The following FOXN3 variants were observed in gnomAD, a reference collection of about 807,000 sequenced individuals.
FOXN3 encodes the protein forkhead box N3.
A neutral mutation model predicts 38.4 loss-of-function variants in FOXN3; 7 were observed. The observed-to-expected ratio is 0.18, with a 90% CI of 0.10 to 0.34. The LOEUF is 0.34. Among genes scored for constraint, FOXN3 ranks in the 10% least tolerant of loss-of-function variants. The pLI is 1.00. For synonymous variants in FOXN3, 230 were observed against 242.2 expected (o/e 0.95, Z 0.47); for missense variants, 456 against 613.4 (o/e 0.74, Z 2.71).
At chr14:89,538,892 G>A (rs1178245726) in intron 1 of FOXN3, among the ~76,000 whole-genome samples, 1 of 151,826 alleles carries the variant, frequency 6.6e-6, no homozygotes, top group African/African-American at 2.4e-5. Context: ...CGCCCCGGCT[G>A]GAGTGCAGTG....
chr14:89,293,372 TTCC>T (rs973337863), intron 3 of FOXN3, among the ~76,000 whole-genome samples: 2 of 152,166 alleles, frequency 1.3e-5, no homozygotes, highest in African/African-American at 4.8e-5. Flanking sequence ...GCAACAGAAA[TTCC>T]TCCTCTCACA....
chr14:89,197,565 C>T (rs1013709392), intron 4 of FOXN3, among the ~76,000 whole-genome samples: 3 of 152,064 alleles, frequency 2.0e-5, no homozygotes, highest in Admixed American at 6.6e-5. Flanking sequence ...TCCCTAGCAC[C>T]TAGAACAGTG....
rs959173724 is a variant in FOXN3 at position 89,158,159 on chromosome 14, C to G, written c.*4255G>C. Reference sequence around the variant, plus strand: ...TCCAGGAGAGGCCCAAGGCGCCCCCCACAGAGTGGAATGAGTGGAACTTGC... The same window carrying G: ...TCCAGGAGAGGCCCAAGGCGCCCCCGACAGAGTGGAATGAGTGGAACTTGC... On this transcript the variant is annotated 3_prime_UTR_variant, in exon 6 of 6. Coordinates refer to ENST00000557258, the MANE Select transcript of FOXN3 (RefSeq NM_005197.4). The G allele has an allele frequency of 5.3e-5, 8 of 152,298 alleles. No homozygotes were observed. Among genetic ancestry groups the G allele is most frequent in the Non-Finnish European group, 8.8e-5 (6 of 68,108 alleles). 9.4% of individuals were successfully genotyped at this position (152,298 alleles called of 1,614,324 possible). A position where few individuals can be genotyped will look rare whatever the true frequency, so the allele number is the denominator to read the frequency against.
At chr14:89,236,105 T>C (rs1347997633) in intron 4 of FOXN3, among the ~76,000 whole-genome samples, 1 of 152,164 alleles carries the variant, frequency 6.6e-6, no homozygotes, top group Admixed American at 6.5e-5. Context: ...CTTTCTTGGA[T>C]GTAGTCACTA....
chr14:89,396,773 A>G (rs1255440180), intron 2 of FOXN3, among the ~76,000 whole-genome samples: 1 of 149,344 alleles, frequency 6.7e-6, no homozygotes, highest in Non-Finnish European at 1.5e-5. Flanking sequence ...CGGAGGTTGC[A>G]GTGAGCTGAG....
At chr14:89,402,382 G>A (rs1229217713) in intron 2 of FOXN3, among the ~76,000 whole-genome samples, 5 of 152,094 alleles carry the variant, frequency 3.3e-5, no homozygotes, top group Non-Finnish European at 7.3e-5. Flanking sequence ...ATCTCTCTCC[G>A]TCCTTTCCTC....
intron 3 of FOXN3, among the ~76,000 whole-genome samples, chr14:89,331,532 G>C (rs977054368): frequency 6.6e-6 from 1 of 152,204 alleles, no homozygotes; most frequent in African/African-American, 2.4e-5. Context: ...CAGTGGTGAA[G>C]GGGACTGAGG....
chr14:89,360,407 GGA>G (rs1889427050), intron 2 of FOXN3, among the ~76,000 whole-genome samples: 3 of 149,544 alleles, frequency 2.0e-5, no homozygotes, highest in African/African-American at 7.4e-5. Context: ...AGGAAGACAG[GGA>G]GAGAGGTAAA....
At chr14:89,413,930 G>A (rs973044897) in intron 1 of FOXN3, among the ~76,000 whole-genome samples, 8 of 139,072 alleles carry the variant, frequency 5.8e-5, no homozygotes, top group Non-Finnish European at 1.3e-4. Flanking sequence ...AGGAAGAAGC[G>A]GGAGGGGGAG....
chr14:89,214,304 G>A (rs1358964927), intron 4 of FOXN3, among the ~76,000 whole-genome samples: 1 of 152,168 alleles, frequency 6.6e-6, no homozygotes, highest in Non-Finnish European at 1.5e-5. Flanking sequence ...AGGTTTGTAC[G>A]TGCAAGTCCC....
intron 4 of FOXN3, among the ~76,000 whole-genome samples, chr14:89,229,619 G>A (rs1884746263): frequency 6.6e-6 from 1 of 152,176 alleles, no homozygotes; most frequent in East Asian, 1.9e-4. Flanking sequence ...TTCCCTAGCA[G>A]AAAATACACT....
intron 4 of FOXN3, among the ~76,000 whole-genome samples, chr14:89,248,447 A>G (rs1427746569): frequency 1.3e-5 from 2 of 151,862 alleles, no homozygotes; most frequent in Non-Finnish European, 2.9e-5. Context: ...ATCCCTGTCT[A>G]CTCTCTTCCC....
At chr14:89,170,512 C>T (rs951682382) in intron 5 of FOXN3, among the ~76,000 whole-genome samples, 2 of 152,144 alleles carry the variant, frequency 1.3e-5, no homozygotes, top group East Asian at 1.9e-4. Flanking sequence ...TGTGGCCTCA[C>T]GCAATCTCCC....
intron 1 of FOXN3, among the ~76,000 whole-genome samples, chr14:89,504,224 C>T (rs1421016463): frequency 1.3e-5 from 2 of 152,192 alleles, no homozygotes; most frequent in Non-Finnish European, 2.9e-5. Flanking sequence ...ACACCAACCC[C>T]CAGAAGACCA....
intron 1 of FOXN3, among the ~76,000 whole-genome samples, chr14:89,432,292 A>C (rs1892175572): frequency 6.6e-6 from 1 of 152,152 alleles, no homozygotes. Flanking sequence ...GACGGCCCTA[A>C]CACCACCCTG....
intron 1 of FOXN3, among the ~76,000 whole-genome samples, chr14:89,474,057 G>T (rs1286370170): frequency 6.6e-6 from 1 of 152,166 alleles, no homozygotes; most frequent in East Asian, 1.9e-4. Flanking sequence ...CTTCATCATT[G>T]CTACGTAACA....
At chr14:89,186,475 G>C (rs1444052531) in intron 4 of FOXN3, among the ~76,000 whole-genome samples, 1 of 152,098 alleles carries the variant, frequency 6.6e-6, no homozygotes, top group Non-Finnish European at 1.5e-5. Context: ...TGTCAAACGG[G>C]AACTGCAAAG....
chr14:89,244,331 T>A (rs1885226809), intron 4 of FOXN3, among the ~76,000 whole-genome samples: 1 of 152,228 alleles, frequency 6.6e-6, no homozygotes, highest in Admixed American at 6.5e-5. Flanking sequence ...TTTCCCCGTC[T>A]AAGCCATACC....
At chr14:89,280,859 G>A in intron 4 of FOXN3, 91 bp downstream of exon 4, 1 of 1,145,176 alleles carries the variant, frequency 8.7e-7, no homozygotes, top group Non-Finnish European at 1.3e-6. Context: ...AAACGGGACA[G>A]AACTGTCCTA....
Sources: allele counts gnomAD v4.1 joint callset (sites outside exome capture counted in the v4.1 genomes callset), GRCh38; gene constraint gnomAD v4.1.1; transcripts MANE v1.5; gene names NCBI Gene and HGNC (gene_info 2026-07-23, HGNC 2026-07-21).